The following CORIN variants were observed in gnomAD, a reference collection of about 807,000 sequenced individuals.
CORIN encodes the protein corin, serine peptidase.
Under a neutral mutation model 125.3 loss-of-function variants are expected in CORIN, and 117 were observed. That is an observed-to-expected ratio of 0.93 (90% CI 0.80 to 1.09). The LOEUF is 1.09. Ranked by LOEUF, CORIN falls within the 50% of genes least tolerant of loss-of-function variation. The pLI is 0.00. For missense variants in CORIN, 1,253 were observed against 1,306.7 expected, an observed-to-expected ratio of 0.96 and a Z score of 0.63; for synonymous variants, 450 against 466.4, an observed-to-expected ratio of 0.96 and a Z score of 0.45.
chr4:47,732,688 T>C (rs1008075986), intron 5 of CORIN, among the ~76,000 whole-genome samples: 1 of 152,008 alleles, frequency 6.6e-6, no homozygotes, highest in Non-Finnish European at 1.5e-5. Context: ...CTCAGCCTCT[T>C]GAGGGCCTGG....
intron 5 of CORIN, among the ~76,000 whole-genome samples, chr4:47,696,458 A>G (rs1436661003): frequency 6.6e-6 from 1 of 151,774 alleles, no homozygotes; most frequent in Non-Finnish European, 1.5e-5. Flanking sequence ...ATAGCAGAGA[A>G]GAAAACAAAA....
intron 14 of CORIN, 30 bp downstream of exon 14, chr4:47,645,051 C>T (rs754978863): frequency 3.9e-6 from 5 of 1,275,846 alleles, no homozygotes; most frequent in South Asian, 3.8e-5. Flanking sequence ...AATAAAAATG[C>T]TCTGTTGACA....
intron 5 of CORIN, among the ~76,000 whole-genome samples, chr4:47,729,659 G>A (rs1440336941): frequency 6.6e-6 from 1 of 152,092 alleles, no homozygotes; most frequent in Non-Finnish European, 1.5e-5. Context: ...CCCCAACAAA[G>A]GCCCCACCCT....
At chr4:47,811,594 A>G (rs1470071889) in intron 1 of CORIN, among the ~76,000 whole-genome samples, 1 of 152,118 alleles carries the variant, frequency 6.6e-6, no homozygotes, top group East Asian at 1.9e-4. Flanking sequence ...TCTATCAGGG[A>G]TGGTTGTCCT....
chr4:47,786,718 G>T lies in CORIN; in HGVS notation c.409+7C>A, dbSNP rs2109916929. On this transcript the variant is annotated splice_region_variant and intron_variant, in intron 3 of 21. Coordinates refer to ENST00000273857, the MANE Select transcript of CORIN (RefSeq NM_006587.4). ...AAGCCTCTAGCATGTATCACCTTTG[G>T]ACTTACTTGTATTCCTGTGACTTTG... The T allele has an allele frequency of 6.2e-7, 1 of 1,611,548 alleles. No individual in the cohort carries two copies. The highest frequency in any genetic ancestry group is 2.2e-5 in the East Asian group (1 of 44,878).
chr4:47,779,087 G>GA (rs1287009264), intron 3 of CORIN, among the ~76,000 whole-genome samples: 1 of 152,102 alleles, frequency 6.6e-6, no homozygotes, highest in Non-Finnish European at 1.5e-5. Flanking sequence ...AACAACTATA[G>GA]AAAAAATTAG....
At chr4:47,749,195 T>C (rs1432575164) in intron 4 of CORIN, among the ~76,000 whole-genome samples, 1 of 152,136 alleles carries the variant, frequency 6.6e-6, no homozygotes, top group Non-Finnish European at 1.5e-5. Context: ...CTGGTATTCA[T>C]GCCCTGTTTA....
chr4:47,809,259 A>G (rs1316538480), intron 1 of CORIN, among the ~76,000 whole-genome samples: 1 of 152,208 alleles, frequency 6.6e-6, no homozygotes, highest in Non-Finnish European at 1.5e-5. Context: ...TTTAGCATTT[A>G]TAAGTAAAGA....
intron 2 of CORIN, among the ~76,000 whole-genome samples, chr4:47,803,613 G>A (rs1441385262): frequency 6.6e-6 from 1 of 152,186 alleles, no homozygotes; most frequent in African/African-American, 2.4e-5. Context: ...GGAAAGAACA[G>A]TCTCTTCAAT....
chr4:47,813,741 A>G (rs1329288435), intron 1 of CORIN, among the ~76,000 whole-genome samples: 1 of 152,236 alleles, frequency 6.6e-6, no homozygotes, highest in Non-Finnish European at 1.5e-5. Flanking sequence ...TAAATAAACT[A>G]TGTAGACTTA....
At chr4:47,658,769 C>T (rs555717829) in intron 12 of CORIN, among the ~76,000 whole-genome samples, 2 of 152,356 alleles carry the variant, frequency 1.3e-5, no homozygotes, top group Admixed American at 1.3e-4. Context: ...TTTGGTTATA[C>T]AAATTTCTCC....
At chr4:47,750,931 A>T (rs189307563) in intron 4 of CORIN, among the ~76,000 whole-genome samples, 2 of 152,236 alleles carry the variant, frequency 1.3e-5, no homozygotes, top group African/African-American at 4.8e-5. Flanking sequence ...AAGTTCAGCA[A>T]ATACTTGTCA....
intron 4 of CORIN, among the ~76,000 whole-genome samples, chr4:47,752,860 G>T (rs1175549435): frequency 1.3e-5 from 2 of 152,166 alleles, no homozygotes; most frequent in East Asian, 3.8e-4. Flanking sequence ...GAGATTAACA[G>T]ATCACAAAAG....
intron 19 of CORIN, among the ~76,000 whole-genome samples, chr4:47,607,601 A>G (rs1433625222): frequency 2.0e-5 from 3 of 146,764 alleles, no homozygotes; most frequent in East Asian, 3.9e-4. Flanking sequence ...AAAAAACCCA[A>G]CCTGTTGTTT....
chr4:47,701,698 A>G (rs1044170940), intron 5 of CORIN, among the ~76,000 whole-genome samples: 1 of 152,074 alleles, frequency 6.6e-6, no homozygotes, highest in African/African-American at 2.4e-5. Context: ...AGTTTTTTTT[A>G]AAAGGCAGAG....
At chr4:47,732,695 C>T (rs1727932895) in intron 5 of CORIN, among the ~76,000 whole-genome samples, 1 of 152,028 alleles carries the variant, frequency 6.6e-6, no homozygotes, top group Non-Finnish European at 1.5e-5. Context: ...TCTTGAGGGC[C>T]TGGGATTACA....
intron 5 of CORIN, chr4:47,706,694 C>G: frequency 6.2e-7 from 1 of 1,608,124 alleles, no homozygotes. Context: ...GCGAGCTGGA[C>G]GCCACTGTGG....
At chr4:47,704,893 T>C (rs915390350) in intron 5 of CORIN, among the ~76,000 whole-genome samples, 29 of 152,068 alleles carry the variant, frequency 1.9e-4, no homozygotes, top group African/African-American at 6.5e-4. Flanking sequence ...CCAAGCCATA[T>C]CACACGATGG....
intron 5 of CORIN, among the ~76,000 whole-genome samples, chr4:47,737,917 T>C (rs535175971): frequency 4.1e-4 from 62 of 152,158 alleles, no homozygotes; most frequent in African/African-American, 1.4e-3. Flanking sequence ...GTTAGCTCCC[T>C]GGAAACTCAG....
Sources: allele counts gnomAD v4.1 joint callset (sites outside exome capture counted in the v4.1 genomes callset), GRCh38; gene constraint gnomAD v4.1.1; transcripts MANE v1.5; gene names NCBI Gene and HGNC (gene_info 2026-07-23, HGNC 2026-07-21).